The following ST18 variants were observed in gnomAD, a reference collection of about 807,000 sequenced individuals.
ST18 encodes suppression of tumorigenicity 18 protein.
In ST18, 50 loss-of-function variants were observed where a neutral mutation model predicts 110.0. That is an observed-to-expected ratio of 0.45 (90% CI 0.36 to 0.58). ST18 has a LOEUF of 0.58. ST18 is among the 20% of genes least tolerant of loss of function. The probability of loss-of-function intolerance (pLI) is 0.00; values close to 1 mark genes in which losing one functional copy is unlikely to be tolerated. For synonymous variants in ST18, 461 were observed against 452.4 expected (o/e 1.02, Z -0.24); for missense variants, 1,306 against 1,280.1 (o/e 1.02, Z -0.31).
At chr8:52,236,638 T>C (rs897538021) in intron 2 of ST18, among the ~76,000 whole-genome samples, 26 of 151,450 alleles carry the variant, frequency 1.7e-4, no homozygotes, top group African/African-American at 6.1e-4. Flanking sequence ...AAACTATATC[T>C]GATGCCAACA....
chr8:52,123,479 C>T (rs1410267005), intron 23 of ST18, among the ~76,000 whole-genome samples: 1 of 152,236 alleles, frequency 6.6e-6, no homozygotes, highest in Non-Finnish European at 1.5e-5. Context: ...CCCCAAACCA[C>T]TTTAGGTCCT....
At position 52,214,170 on chromosome 8, in the gene ST18, G is replaced by T. The variant is rs370674506; in HGVS notation, c.55+33C>A. The T allele has an allele frequency of 3.5e-4, 558 of 1,609,592 alleles. 1 individual carries two copies. The highest frequency in any genetic ancestry group is 4.6e-4 in the Non-Finnish European group (544 of 1,176,212). On this transcript the variant is annotated intron_variant, in intron 7 of 25. Transcript: ENST00000689386. ...ACGCTCATATTTCATGGTGTGGTGG[G>T]CATAGTGTCATAGAACCTGCTTGCT...
intron 3 of ST18, among the ~76,000 whole-genome samples, chr8:52,224,121 C>T (rs1192714171): frequency 6.6e-6 from 1 of 152,124 alleles, no homozygotes; most frequent in Non-Finnish European, 1.5e-5. Context: ...CCTTGCCTGA[C>T]TCAGTTTTTT....
chr8:52,215,885 C>T (rs561236522), intron 6 of ST18, among the ~76,000 whole-genome samples: 2 of 152,170 alleles, frequency 1.3e-5, no homozygotes, highest in South Asian at 4.1e-4. Flanking sequence ...CTAGCGAATG[C>T]CCCTCCATGT....
chr8:52,129,035 C>G (rs1225476486), intron 22 of ST18, among the ~76,000 whole-genome samples: 1 of 149,752 alleles, frequency 6.7e-6, no homozygotes, highest in Non-Finnish European at 1.5e-5. Context: ...GAGTTATATT[C>G]CAAGTCATGT....
chr8:52,292,234 T>A (rs2095567289), intron 2 of ST18, among the ~76,000 whole-genome samples: 1 of 152,254 alleles, frequency 6.6e-6, no homozygotes, highest in African/African-American at 2.4e-5. Flanking sequence ...GAACTACCTA[T>A]TTAAATGCTT....
intron 23 of ST18, among the ~76,000 whole-genome samples, chr8:52,122,774 C>A (rs750545535): frequency 2.6e-5 from 4 of 152,106 alleles, no homozygotes; most frequent in African/African-American, 9.7e-5. Flanking sequence ...GCATGAGCCA[C>A]CGTGCCCGGC....
intron 2 of ST18, among the ~76,000 whole-genome samples, chr8:52,350,935 T>C (rs1564552640): frequency 6.6e-6 from 1 of 152,012 alleles, no homozygotes; most frequent in East Asian, 1.9e-4. Flanking sequence ...TTAGTCAGGA[T>C]GGTCTCTATC....
intron 2 of ST18, among the ~76,000 whole-genome samples, chr8:52,241,587 T>A (rs1009977321): frequency 3.3e-5 from 5 of 152,166 alleles, no homozygotes; most frequent in African/African-American, 1.2e-4. Context: ...GCTCATAAAG[T>A]TGTTAGGGGC....
chr8:52,256,136 T>C (rs2094521316), intron 2 of ST18, among the ~76,000 whole-genome samples: 1 of 152,228 alleles, frequency 6.6e-6, no homozygotes, highest in Non-Finnish European at 1.5e-5. Context: ...CAACACTACA[T>C]GCTTTACCAA....
chr8:52,183,751 C>A (rs780067334), intron 8 of ST18, among the ~76,000 whole-genome samples: 1 of 152,198 alleles, frequency 6.6e-6, no homozygotes, highest in Admixed American at 6.5e-5. Flanking sequence ...AATGCAGCAT[C>A]GCAAGCTTTC....
intron 2 of ST18, among the ~76,000 whole-genome samples, chr8:52,297,212 G>A (rs1421022220): frequency 6.6e-6 from 1 of 152,192 alleles, no homozygotes; most frequent in African/African-American, 2.4e-5. Context: ...CAGGCTCAGA[G>A]CCCAGCTCCC....
intron 2 of ST18, among the ~76,000 whole-genome samples, chr8:52,327,723 G>A (rs1006873936): frequency 1.3e-5 from 2 of 152,172 alleles, no homozygotes; most frequent in African/African-American, 4.8e-5. Context: ...ACCCAGCTGA[G>A]TGCAGTAAGT....
At chr8:52,231,037 C>T (rs1317584880) in intron 2 of ST18, among the ~76,000 whole-genome samples, 1 of 152,170 alleles carries the variant, frequency 6.6e-6, no homozygotes, top group Non-Finnish European at 1.5e-5. Flanking sequence ...ATTGCTCGTA[C>T]ATGAAAAGTG....
At chr8:52,148,093 T>G (rs1029936194) in intron 16 of ST18, among the ~76,000 whole-genome samples, 7 of 151,834 alleles carry the variant, frequency 4.6e-5, no homozygotes, top group Admixed American at 2.0e-4. Flanking sequence ...GTGGGCACAG[T>G]GGTTGGGGAA....
At chr8:52,251,582 C>T (rs1403598169) in intron 2 of ST18, among the ~76,000 whole-genome samples, 1 of 148,578 alleles carries the variant, frequency 6.7e-6, no homozygotes, top group Non-Finnish European at 1.5e-5. Context: ...GACTCAATCA[C>T]TAAGATCTTT....
At chr8:52,210,105 G>A (rs755518952) in intron 8 of ST18, 73 of 455,920 alleles carry the variant, frequency 1.6e-4, no homozygotes, top group Admixed American at 4.7e-5. Flanking sequence ...TCATGTCCAC[G>A]GGCACACTGA....
chr8:52,178,637 AAAAAAAC>A (rs2067967441), intron 9 of ST18, among the ~76,000 whole-genome samples: 2 of 131,932 alleles, frequency 1.5e-5, no homozygotes, highest in African/African-American at 6.7e-5. Context: ...AAAAAAAAAA[AAAAAAAC>A]CACCAAAAAC....
chr8:52,258,929 A>G (rs1259127846), intron 2 of ST18, among the ~76,000 whole-genome samples: 1 of 152,184 alleles, frequency 6.6e-6, no homozygotes, highest in African/African-American at 2.4e-5. Context: ...CCTGCCCTAC[A>G]TTGGTGTAAC....
Sources: allele counts gnomAD v4.1 joint callset (sites outside exome capture counted in the v4.1 genomes callset), GRCh38; gene constraint gnomAD v4.1.1; transcripts MANE v1.5; gene names NCBI Gene and HGNC (gene_info 2026-07-23, HGNC 2026-07-21).